DOCK10: variants seen among roughly 807,000 people sequenced by gnomAD.
DOCK10 encodes the protein dedicator of cytokinesis protein 10.
In DOCK10, 145 loss-of-function variants were observed where a neutral mutation model predicts 280.1. That is an observed-to-expected ratio of 0.52 (90% CI 0.45 to 0.59). The LOEUF (loss-of-function observed/expected upper bound fraction) is 0.59. DOCK10 is among the 20% of genes least tolerant of loss of function. DOCK10 has a pLI of 0.00. For missense variants in DOCK10, 2,368 were observed against 2,651.7 expected, an observed-to-expected ratio of 0.89 and a Z score of 2.35; for synonymous variants, 915 against 942.2, an observed-to-expected ratio of 0.97 and a Z score of 0.53.
intron 14 of DOCK10, chr2:224,862,201 T>A (rs1481010290): frequency 6.5e-6 from 1 of 153,078 alleles, no homozygotes; most frequent in Admixed American, 6.5e-5. Flanking sequence ...CAAAATGAGT[T>A]TAAATGATTG....
chr2:225,024,264 C>T (rs1689858677), intron 1 of DOCK10, among the ~76,000 whole-genome samples: 1 of 152,162 alleles, frequency 6.6e-6, no homozygotes, highest in Non-Finnish European at 1.5e-5. Context: ...ATCTTAGTAA[C>T]ATTTATGGAT....
chr2:224,820,511 TTG>T (rs573477197), intron 28 of DOCK10, among the ~76,000 whole-genome samples: 19 of 152,318 alleles, frequency 1.2e-4, no homozygotes, highest in Admixed American at 1.2e-3. Flanking sequence ...AACATGCTGC[TTG>T]GGAAAATTCC....
chr2:225,023,344 C>T (rs558089617), intron 1 of DOCK10, among the ~76,000 whole-genome samples: 1 of 152,214 alleles, frequency 6.6e-6, no homozygotes, highest in Non-Finnish European at 1.5e-5. Context: ...CCCAAAACAA[C>T]TTCTAATAAC....
At chr2:224,884,925 G>A (rs569818351) in intron 7 of DOCK10, among the ~76,000 whole-genome samples, 1 of 152,290 alleles carries the variant, frequency 6.6e-6, no homozygotes, top group African/African-American at 2.4e-5. Flanking sequence ...CTAATTATCT[G>A]CTTGTCTTTG....
intron 1 of DOCK10, among the ~76,000 whole-genome samples, chr2:224,940,895 T>C (rs1703016401): frequency 6.6e-6 from 1 of 152,198 alleles, no homozygotes; most frequent in Non-Finnish European, 1.5e-5. Flanking sequence ...TTGTATATTA[T>C]AGGGGTTTCA....
chr2:225,024,055 A>AC (rs1283598605), intron 1 of DOCK10, among the ~76,000 whole-genome samples: 1 of 152,212 alleles, frequency 6.6e-6, no homozygotes, highest in African/African-American at 2.4e-5. Context: ...CAAAAATACG[A>AC]CAGCTTAAAT....
rs1189456793 is a variant in DOCK10 at position 224,840,039 on chromosome 2, T to A, written c.2695A>T (p.Met899Leu). The A allele has an allele frequency of 1.3e-6, 2 of 1,557,480 alleles. No individual in the cohort carries two copies. The highest frequency in any genetic ancestry group is 1.7e-6 in the Non-Finnish European group (2 of 1,146,678). The change falls in exon 24 of 56, where the codon ATG (methionine) becomes TTG (leucine). Residue 899 changes from methionine (M) to leucine (L), a missense_variant. Met to Leu is a conservative substitution (Grantham distance 15). Transcript: ENST00000258390. Reference protein sequence around the residue: ...LLNVEKIHAIMSFLPIILNQL... With the variant: ...LLNVEKIHAILSFLPIILNQL... ...TTCAAAATTATAGGCAGAAAACTCA[T>A]GATTGCATGAATCTTTTCCACATTC...
At position 224,846,382 on chromosome 2, in the gene DOCK10, T is replaced by G. The variant is rs552099959; in HGVS notation, c.2236-740A>C. On this transcript the variant is annotated intron_variant, in intron 19 of 55. Coordinates refer to ENST00000258390, the MANE Select transcript of DOCK10 (RefSeq NM_014689.3). Reference sequence around the variant, plus strand: ...GGGGACCAGTTGCATAAGCATCACTTGGCAGTTCATTAGAAATGCAGAAGT... The same window carrying G: ...GGGGACCAGTTGCATAAGCATCACTGGGCAGTTCATTAGAAATGCAGAAGT... 3.3e-5 allele frequency among the ~76,000 whole-genome samples: 5 copies of G among 152,268 alleles called. 1 individual carries two copies. Among genetic ancestry groups the G allele is most frequent in the Middle Eastern group, 6.8e-3 (2 of 292 alleles).
intron 17 of DOCK10, 42 bp downstream of exon 17, chr2:224,852,893 C>T (rs199771963): frequency 6.7e-5 from 99 of 1,477,162 alleles, no homozygotes; most frequent in Admixed American, 4.5e-4. Flanking sequence ...GGTCTAAATA[C>T]GGTGAAAAGA....
rs780758873 is a variant in DOCK10 at position 224,837,795 on chromosome 2, C to T, written c.2817G>A (p.Glu939=). 1 of 1,613,954 alleles carries T rather than the reference C, an allele frequency of 6.2e-7. No homozygotes were observed. The highest frequency in any genetic ancestry group is 1.1e-5 in the South Asian group (1 of 91,088). The change falls in exon 25 of 56, where the codon GAG becomes GAA. Residue 939 remains glutamate, a synonymous_variant. Coordinates refer to ENST00000258390, the MANE Select transcript of DOCK10 (RefSeq NM_014689.3). ...LTDIVAKCHE[E]QLDHSVQSYI... ...ATGACTGGACAGAATGATCCAGCTGCTCCTCATGGCACTTGGCCACAATGT... is the reference window on the plus strand; with the variant it reads ...ATGACTGGACAGAATGATCCAGCTGTTCCTCATGGCACTTGGCCACAATGT...
chr2:224,829,729 G>A (rs1217666758), intron 27 of DOCK10, among the ~76,000 whole-genome samples: 2 of 152,316 alleles, frequency 1.3e-5, no homozygotes, highest in East Asian at 1.9e-4. Context: ...ATATCACCAG[G>A]TGAGTCACCA....
intron 45 of DOCK10, 44 bp from the exon 46 acceptor site, chr2:224,793,501 A>T (rs1426462103): frequency 6.6e-7 from 1 of 1,515,934 alleles, no homozygotes; most frequent in African/African-American, 1.4e-5. Context: ...GATGGAGTTT[A>T]ATATAATTAG....
intron 26 of DOCK10, among the ~76,000 whole-genome samples, chr2:224,832,297 A>G (rs1452384817): frequency 6.6e-6 from 1 of 152,150 alleles, no homozygotes; most frequent in Non-Finnish European, 1.5e-5. Flanking sequence ...TGCCTTTTTC[A>G]TTCAACAAAT....
intron 4 of DOCK10, among the ~76,000 whole-genome samples, chr2:224,894,391 A>T (rs548614073): frequency 5.9e-5 from 9 of 152,332 alleles, no homozygotes; most frequent in Admixed American, 2.0e-4. Flanking sequence ...GGACCTAAAG[A>T]TGGTGGGAAC....
At chr2:225,010,025 G>C (rs1337025618) in intron 1 of DOCK10, among the ~76,000 whole-genome samples, 5 of 152,174 alleles carry the variant, frequency 3.3e-5, no homozygotes, top group African/African-American at 4.8e-5. Context: ...CCTAAAGGTT[G>C]TCTGGGCAGT....
intron 8 of DOCK10, 50 bp from the exon 9 acceptor site, chr2:224,874,801 A>C (rs1406522589): frequency 1.3e-6 from 2 of 1,520,354 alleles, no homozygotes; most frequent in South Asian, 1.1e-5. Context: ...CACGAGTCAC[A>C]CATTCTTCTA....
chr2:224,957,282 T>TCCCCCC (rs1282480557), intron 1 of DOCK10, among the ~76,000 whole-genome samples: 7 of 86,482 alleles, frequency 8.1e-5, no homozygotes, highest in Non-Finnish European at 1.6e-4. Flanking sequence ...GTTTTTACTT[T>TCCCCCC]CCGCCCCCCC....
At chr2:224,825,541 G>A (rs938461127) in intron 27 of DOCK10, among the ~76,000 whole-genome samples, 3 of 149,922 alleles carry the variant, frequency 2.0e-5, no homozygotes, top group Non-Finnish European at 3.0e-5. Flanking sequence ...TTCAATTTTC[G>A]TTTTGTTAGT....
chr2:224,972,482 A>G (rs1267877862), intron 1 of DOCK10, among the ~76,000 whole-genome samples: 1 of 152,236 alleles, frequency 6.6e-6, no homozygotes, highest in Non-Finnish European at 1.5e-5. Flanking sequence ...TAGAAGAATC[A>G]AGATGCTGTA....
Sources: gnomAD v4.1 joint callset for allele counts (sites outside exome capture counted in the v4.1 genomes callset) on GRCh38, gnomAD v4.1.1 for gene constraint, MANE v1.5 for transcripts, NCBI Gene and HGNC (gene_info 2026-07-23, HGNC 2026-07-21) for gene names.